FRMD4A: variants seen among roughly 807,000 people sequenced by gnomAD.
FRMD4A encodes the protein FERM domain containing 4A.
Under a neutral mutation model 129.1 loss-of-function variants are expected in FRMD4A, and 29 were observed. The observed-to-expected ratio is 0.22, with a 90% confidence interval of 0.17 to 0.31. FRMD4A has a LOEUF of 0.31. Ranked by LOEUF, FRMD4A falls within the 10% of genes least tolerant of loss-of-function variation. The pLI, the probability that FRMD4A is intolerant of heterozygous loss-of-function variation, is 1.00. For missense variants in FRMD4A, 1,272 were observed against 1,375.8 expected, an observed-to-expected ratio of 0.92 and a Z score of 1.19; for synonymous variants, 634 against 571.6, an observed-to-expected ratio of 1.11 and a Z score of -1.56.
At chr10:13,760,190 A>G (rs1192255524) in intron 8 of FRMD4A, among the ~76,000 whole-genome samples, 1 of 151,468 alleles carries the variant, frequency 6.6e-6, no homozygotes, top group East Asian at 1.9e-4. Context: ...GAGTTGTGTA[A>G]TTGAAACAGA....
chr10:13,735,296 G>A (rs1461628427), intron 12 of FRMD4A, among the ~76,000 whole-genome samples: 2 of 152,234 alleles, frequency 1.3e-5, no homozygotes, highest in Non-Finnish European at 2.9e-5. Context: ...AAACCCAAGT[G>A]ATTTTCAATA....
chr10:13,758,253 T>C (rs2091938843), intron 8 of FRMD4A, among the ~76,000 whole-genome samples: 1 of 152,236 alleles, frequency 6.6e-6, no homozygotes, highest in South Asian at 2.1e-4. Context: ...AGAGTTACTT[T>C]ATCTTTTGTG....
At chr10:14,199,282 TTTTATTTATTTATTTATTTATTTA>T (rs3034001) in intron 2 of FRMD4A, among the ~76,000 whole-genome samples, 4 of 130,984 alleles carry the variant, frequency 3.1e-5, no homozygotes, top group Non-Finnish European at 6.6e-5. Flanking sequence ...AAGTGTCTTA[TTTTATTTATTTATTTATTTATTTA>T]TTTATTTATT....
intron 2 of FRMD4A, among the ~76,000 whole-genome samples, chr10:13,925,974 G>A (rs1325876535): frequency 1.3e-5 from 2 of 150,358 alleles, no homozygotes; most frequent in African/African-American, 4.9e-5. Flanking sequence ...GATTGAATTT[G>A]GTGTGTGCTA....
At chr10:13,989,458 C>T (rs573972066) in intron 2 of FRMD4A, among the ~76,000 whole-genome samples, 7 of 152,164 alleles carry the variant, frequency 4.6e-5, no homozygotes, top group South Asian at 2.1e-4. Context: ...CGGGTTCAAG[C>T]GATTCTCCTG....
At chr10:13,931,775 T>TA (rs59824238) in intron 2 of FRMD4A, among the ~76,000 whole-genome samples, 25,931 of 129,164 alleles carry the variant, frequency 0.2, 3,085 homozygotes, top group Non-Finnish European at 0.26. Flanking sequence ...TCATCTTTAC[T>TA]AAAAAAAAAA....
intron 2 of FRMD4A, chr10:14,007,530 C>A: frequency 6.5e-6 from 1 of 152,674 alleles, no homozygotes; most frequent in Admixed American, 6.5e-5. Flanking sequence ...GCATTAAAAA[C>A]AAATAAACCC....
chr10:14,156,512 T>C (rs951027328), intron 2 of FRMD4A, among the ~76,000 whole-genome samples: 3 of 152,168 alleles, frequency 2.0e-5, no homozygotes, highest in Non-Finnish European at 4.4e-5. Flanking sequence ...CGGTATCAGA[T>C]GATAAATACC....
intron 20 of FRMD4A, 103 bp from the exon 21 acceptor site, chr10:13,659,593 G>A (rs1218856591): frequency 1.4e-5 from 16 of 1,169,056 alleles, no homozygotes; most frequent in Admixed American, 2.0e-5. Flanking sequence ...GGGAAAGCTC[G>A]CCCGTGACTC....
chr10:13,717,889 G>T (rs76094865), intron 12 of FRMD4A, among the ~76,000 whole-genome samples: 1,732 of 152,022 alleles, frequency 0.011, 70 homozygotes, highest in South Asian at 0.11. Flanking sequence ...GGGAAATACA[G>T]GCATACACTC....
At chr10:13,732,926 G>A (rs928331454) in intron 12 of FRMD4A, among the ~76,000 whole-genome samples, 2 of 152,230 alleles carry the variant, frequency 1.3e-5, no homozygotes, top group African/African-American at 4.8e-5. Flanking sequence ...CAGGACATCA[G>A]AATCCCTGTG....
At chr10:14,056,412 T>G (rs548746334) in intron 2 of FRMD4A, among the ~76,000 whole-genome samples, 1 of 149,070 alleles carries the variant, frequency 6.7e-6, no homozygotes, top group South Asian at 2.1e-4. Context: ...GAAAAAAAAA[T>G]TTAAAGTTTT....
At chr10:14,247,486 C>G (rs1359921448) in intron 2 of FRMD4A, among the ~76,000 whole-genome samples, 1 of 152,164 alleles carries the variant, frequency 6.6e-6, no homozygotes, top group Non-Finnish European at 1.5e-5. Context: ...GGTTAACATA[C>G]AGATAGGCCT....
intron 2 of FRMD4A, among the ~76,000 whole-genome samples, chr10:14,202,490 C>A (rs1410113860): frequency 1.3e-5 from 2 of 152,128 alleles, no homozygotes; most frequent in Non-Finnish European, 2.9e-5. Flanking sequence ...CAACCTGCGC[C>A]TCCTGGGTTC....
chr10:14,013,154 A>C (rs896249450), intron 2 of FRMD4A, among the ~76,000 whole-genome samples: 1 of 152,156 alleles, frequency 6.6e-6, no homozygotes, highest in African/African-American at 2.4e-5. Flanking sequence ...CCTTTGCAAA[A>C]AAGGCGAAAT....
intron 7 of FRMD4A, 101 bp from the exon 8 acceptor site, chr10:13,761,770 T>C (rs577101207): frequency 7.8e-6 from 6 of 774,042 alleles, no homozygotes; most frequent in East Asian, 2.5e-5. Context: ...CTGAATGAGA[T>C]GAGTTCAGCT....
intron 15 of FRMD4A, among the ~76,000 whole-genome samples, chr10:13,679,481 A>ACACACACT (rs2084329880): frequency 1.0e-5 from 1 of 97,308 alleles, no homozygotes; most frequent in African/African-American, 3.6e-5. Flanking sequence ...ATATACACAC[A>ACACACACT]CACACACACA....
rs71388139 is a variant in FRMD4A, at chr10:13,955,112, C to CTTTTTT, written c.46-96206_46-96201dup. 3.9e-5 allele frequency among the ~76,000 whole-genome samples: 4 copies of CTTTTTT among 102,956 alleles called. 1 individual carries two copies. Among genetic ancestry groups the CTTTTTT allele is most frequent in the Admixed American group, 1.3e-4 (1 of 7,824 alleles). The allele number at this position is 102,956 out of a possible 152,430, so 67.5% of individuals were successfully genotyped here. The stretch of plus-strand genomic sequence containing the variant: ...TTCCAACCCCATGTTAATAATTCTG[C>CTTTTTT]TTTTTTTTTTTTTGAGACGGAGTAT... On this transcript the variant is annotated intron_variant, in intron 2 of 24. Transcript: ENST00000357447.
At chr10:14,310,225 G>A (rs954216822) in intron 2 of FRMD4A, among the ~76,000 whole-genome samples, 1 of 152,022 alleles carries the variant, frequency 6.6e-6, no homozygotes, top group Admixed American at 6.5e-5. Flanking sequence ...ATTTCTTTAC[G>A]CACTCAATTT....
Sources: allele counts gnomAD v4.1 joint callset (sites outside exome capture counted in the v4.1 genomes callset), GRCh38; gene constraint gnomAD v4.1.1; transcripts MANE v1.5; gene names NCBI Gene and HGNC (gene_info 2026-07-23, HGNC 2026-07-21).